Variants in CSMD3 observed in about 807,000 individuals in gnomAD.
The protein encoded by CSMD3 is CUB and Sushi multiple domains 3.
In CSMD3, 177 loss-of-function variants were observed where a neutral mutation model predicts 435.2. That is an observed-to-expected ratio of 0.41 (90% CI 0.36 to 0.46). The LOEUF (loss-of-function observed/expected upper bound fraction) is 0.46. CSMD3 is among the 20% of genes least tolerant of loss of function. The pLI is 0.34. For synonymous variants in CSMD3, 1,656 were observed against 1,520.5 expected (o/e 1.09, Z -2.07); for missense variants, 4,265 against 4,504.6 (o/e 0.95, Z 1.52).
At chr8:112,754,372 T>G (rs1053644243) in intron 13 of CSMD3, among the ~76,000 whole-genome samples, 2 of 151,938 alleles carry the variant, frequency 1.3e-5, no homozygotes, top group African/African-American at 4.8e-5. Context: ...GAGGCTGAAG[T>G]TTTAGGAATA....
chr8:112,766,874 C>T (rs1409171864), intron 13 of CSMD3, among the ~76,000 whole-genome samples: 1 of 151,776 alleles, frequency 6.6e-6, no homozygotes, highest in African/African-American at 2.4e-5. Flanking sequence ...GTTTAAATCC[C>T]TGCTCAACCA....
chr8:113,057,368 A>G (rs1472890239), intron 5 of CSMD3, among the ~76,000 whole-genome samples: 1 of 152,174 alleles, frequency 6.6e-6, no homozygotes, highest in Admixed American at 6.5e-5. Flanking sequence ...GCTTCTGAAA[A>G]TGTAATTGAA....
At chr8:112,708,287 T>C (rs1446478921) in intron 13 of CSMD3, among the ~76,000 whole-genome samples, 1 of 152,030 alleles carries the variant, frequency 6.6e-6, no homozygotes, top group Admixed American at 6.6e-5. Context: ...TTTCAAGATA[T>C]AAGTGGAAAA....
At chr8:112,685,798 C>A in intron 14 of CSMD3, 66 bp from the exon 15 acceptor site, 2 of 995,160 alleles carry the variant, frequency 2.0e-6, no homozygotes, top group South Asian at 2.7e-5. Context: ...CTTATTTTGT[C>A]ATATTCTACA....
At chr8:112,957,965 G>C (rs1282717613) in intron 7 of CSMD3, among the ~76,000 whole-genome samples, 2 of 152,124 alleles carry the variant, frequency 1.3e-5, no homozygotes, top group African/African-American at 4.8e-5. Flanking sequence ...GGCTGGTCTC[G>C]ATCTCTTGAC....
At chr8:113,297,339 T>C (rs1477395943) in intron 2 of CSMD3, among the ~76,000 whole-genome samples, 2 of 149,686 alleles carry the variant, frequency 1.3e-5, no homozygotes, top group African/African-American at 2.6e-5. Context: ...GTCAGTATTA[T>C]GAATGAAAAT....
intron 1 of CSMD3, among the ~76,000 whole-genome samples, chr8:113,333,822 T>C (rs1357450011): frequency 2.2e-4 from 33 of 151,850 alleles, no homozygotes; most frequent in Admixed American, 2.2e-3. Context: ...TGTTGAAATA[T>C]TGTCAAGAAT....
chr8:113,086,326 A>C (rs946558168), intron 5 of CSMD3, among the ~76,000 whole-genome samples: 1 of 152,070 alleles, frequency 6.6e-6, no homozygotes, highest in African/African-American at 2.4e-5. Context: ...TCCATCAATC[A>C]ATCTATAGAA....
chr8:112,265,276 C>T, intron 60 of CSMD3, 135 bp downstream of exon 60: 1 of 447,104 alleles, frequency 2.2e-6, no homozygotes, highest in Non-Finnish European at 3.8e-6. Context: ...AAGAAACAGC[C>T]ATTTTTAGTA....
At chr8:112,899,553 G>A (rs772634214) in intron 10 of CSMD3, among the ~76,000 whole-genome samples, 1 of 101,340 alleles carries the variant, frequency 9.9e-6, no homozygotes, top group Non-Finnish European at 2.1e-5. Flanking sequence ...ATATATTTTG[G>A]GTTAGGTATC....
intron 32 of CSMD3, among the ~76,000 whole-genome samples, chr8:112,427,663 T>C (rs1433206980): frequency 2.0e-5 from 3 of 152,184 alleles, no homozygotes; most frequent in African/African-American, 7.2e-5. Flanking sequence ...ACATTTATGA[T>C]GACCTACTGT....
chr8:113,143,226 C>A (rs1369818513), intron 4 of CSMD3, among the ~76,000 whole-genome samples: 1 of 151,348 alleles, frequency 6.6e-6, no homozygotes, highest in Non-Finnish European at 1.5e-5. Flanking sequence ...AGGTGTTAGA[C>A]ATCATTAGCC....
chr8:112,624,442 A>T (rs1834324781), intron 22 of CSMD3, among the ~76,000 whole-genome samples: 2 of 152,102 alleles, frequency 1.3e-5, no homozygotes, highest in African/African-American at 4.8e-5. Context: ...ACTTCAAGTC[A>T]TTATTACAAT....
At chr8:112,260,281 T>TAA (rs1816253381) in intron 61 of CSMD3, among the ~76,000 whole-genome samples, 2 of 152,158 alleles carry the variant, frequency 1.3e-5, no homozygotes, top group South Asian at 4.1e-4. Context: ...TTTCTAGCGG[T>TAA]ATGACCTTAG....
chr8:113,117,035 G>A (rs774508386), intron 4 of CSMD3, among the ~76,000 whole-genome samples: 10 of 152,148 alleles, frequency 6.6e-5, no homozygotes. Context: ...AGAAAAGAAA[G>A]ACCCATTTTC....
At chr8:113,244,543 T>C (rs867345707) in intron 3 of CSMD3, among the ~76,000 whole-genome samples, 25 of 152,152 alleles carry the variant, frequency 1.6e-4, no homozygotes, top group Admixed American at 1.5e-3. Context: ...CTCAAACTCC[T>C]GACCTCATGA....
intron 27 of CSMD3, among the ~76,000 whole-genome samples, chr8:112,544,578 G>A (rs1033769010): frequency 5.3e-5 from 8 of 152,116 alleles, no homozygotes; most frequent in Non-Finnish European, 8.8e-5. Context: ...TTATTGAAAT[G>A]GGATTATGTG....
intron 13 of CSMD3, among the ~76,000 whole-genome samples, chr8:112,697,255 C>T (rs1285084843): frequency 1.3e-5 from 2 of 152,156 alleles, no homozygotes; most frequent in African/African-American, 2.4e-5. Flanking sequence ...ATAAATCATG[C>T]TGCTATAAAG....
intron 10 of CSMD3, among the ~76,000 whole-genome samples, chr8:112,916,985 G>A (rs78997896): frequency 0.023 from 3,445 of 151,926 alleles, 65 homozygotes; most frequent in Non-Finnish European, 0.036. Context: ...GAGTTAGTGA[G>A]GGTCGCAGCT....
Sources: gnomAD v4.1 joint callset for allele counts (sites outside exome capture counted in the v4.1 genomes callset) on GRCh38, gnomAD v4.1.1 for gene constraint, MANE v1.5 for transcripts, NCBI Gene and HGNC (gene_info 2026-07-23, HGNC 2026-07-21) for gene names.